The following VKORC1L1 variants were observed in gnomAD, a reference collection of about 807,000 sequenced individuals.
The protein encoded by VKORC1L1 is vitamin K epoxide reductase complex subunit 1L1.
VKORC1L1 carries 2 observed loss-of-function variants against 18.9 expected under a neutral mutation model. The ratio of observed to expected loss-of-function variants is 0.11; its 90% CI spans 0.04 to 0.33. The LOEUF (loss-of-function observed/expected upper bound fraction) is 0.33, where lower values mean the gene tolerates loss of function less well. Among genes scored for constraint, VKORC1L1 ranks in the 10% least tolerant of loss-of-function variants. The pLI is 1.00. For synonymous variants in VKORC1L1, 96 were observed against 100.0 expected, an observed-to-expected ratio of 0.96 and a Z score of 0.24; for missense variants, 123 against 224.1, an observed-to-expected ratio of 0.55 and a Z score of 2.88.
At chr7:65,917,959 G>A (rs991804083) in intron 1 of VKORC1L1, among the ~76,000 whole-genome samples, 10 of 152,162 alleles carry the variant, frequency 6.6e-5, no homozygotes, top group African/African-American at 2.4e-4. Flanking sequence ...TCACAACTGG[G>A]CAGGGTCGCG....
At chr7:65,892,694 A>T (rs1789128247) in intron 1 of VKORC1L1, among the ~76,000 whole-genome samples, 1 of 152,130 alleles carries the variant, frequency 6.6e-6, no homozygotes, top group South Asian at 2.1e-4. Flanking sequence ...ATTCTAGATG[A>T]CATGAAGATG....
rs528448822 is a variant in VKORC1L1, at chr7:65,904,412, C to A, written c.194+30847C>A. Among the ~76,000 whole-genome samples the A allele has an allele frequency of 1.6e-4, 24 of 152,190 alleles. No homozygotes were observed. The South Asian group carries it at 3.7e-3, about 24-fold the overall frequency. ...TAGAGATGGGGTTTCACCATGTTGG[C>A]CAGGCTGGTCTCAAACTCCTGACCT... On this transcript the variant is annotated intron_variant, in intron 1 of 2. Coordinates refer to ENST00000360768, the MANE Select transcript of VKORC1L1 (RefSeq NM_173517.6).
At chr7:65,902,367 A>T (rs2116395272) in intron 1 of VKORC1L1, among the ~76,000 whole-genome samples, 2 of 152,348 alleles carry the variant, frequency 1.3e-5, no homozygotes, top group East Asian at 3.9e-4. Flanking sequence ...AATAAAATTT[A>T]AAATACAGTG....
intron 1 of VKORC1L1, among the ~76,000 whole-genome samples, chr7:65,939,551 A>C (rs1790000889): frequency 1.3e-5 from 2 of 152,218 alleles, no homozygotes; most frequent in Admixed American, 6.5e-5. Context: ...AAAACTTTGG[A>C]GGCAGAAGCT....
intron 1 of VKORC1L1, among the ~76,000 whole-genome samples, chr7:65,903,062 C>G (rs773716549): frequency 1.1e-4 from 16 of 151,658 alleles, no homozygotes; most frequent in Non-Finnish European, 1.9e-4. Context: ...GACGGGGTTT[C>G]TCCATGTTGG....
chr7:65,944,821 G>A (rs892322218), intron 1 of VKORC1L1, among the ~76,000 whole-genome samples: 1 of 151,582 alleles, frequency 6.6e-6, no homozygotes, highest in Non-Finnish European at 1.5e-5. Context: ...GGAGGCTGAG[G>A]AGGGAAAATT....
At chr7:65,944,380 A>G (rs2115718864) in intron 1 of VKORC1L1, among the ~76,000 whole-genome samples, 1 of 152,278 alleles carries the variant, frequency 6.6e-6, no homozygotes, top group East Asian at 1.9e-4. Flanking sequence ...AAAAATAAAA[A>G]TAAAAGAACT....
chr7:65,930,172 A>G (rs1395210924), intron 1 of VKORC1L1, among the ~76,000 whole-genome samples: 1 of 152,170 alleles, frequency 6.6e-6, no homozygotes, highest in Non-Finnish European at 1.5e-5. Context: ...GCTCTTTTGC[A>G]TTTTCCTTAT....
chr7:65,875,792 C>T (rs1788817975), intron 1 of VKORC1L1, among the ~76,000 whole-genome samples: 1 of 152,144 alleles, frequency 6.6e-6, no homozygotes, highest in African/African-American at 2.4e-5. Flanking sequence ...TGCCATGTAG[C>T]AGTAGTACTC....
rs201626661 is a variant in VKORC1L1, at chr7:65,935,974, C to CT, written c.195-12687dup. Among the ~76,000 whole-genome samples the CT allele has an allele frequency of 1.5e-3, 225 of 148,130 alleles. 1 individual carries two copies. The highest frequency in any genetic ancestry group is 7.3e-3 in the East Asian group (37 of 5,082). ...TAAGATTGTTCTTTAAGTCTCTATT[C>CT]TTTTTTTTTTAACATGTTTTTCCTC... On this transcript the variant is annotated intron_variant, in intron 1 of 2. Transcript: ENST00000360768.
chr7:65,917,448 C>T (rs1244098569), intron 1 of VKORC1L1, among the ~76,000 whole-genome samples: 1 of 152,210 alleles, frequency 6.6e-6, no homozygotes, highest in Non-Finnish European at 1.5e-5. Context: ...ATACACTATA[C>T]TCCAGGCATT....
At chr7:65,871,806 C>T (rs1788729512), upstream of VKORC1L1, among the ~76,000 whole-genome samples, 1 of 151,886 alleles carries the variant, frequency 6.6e-6, no homozygotes, top group South Asian at 2.1e-4. Flanking sequence ...TGATTGTATC[C>T]TCATGAGAGC....
At chr7:65,871,164 A>G (rs189061697), upstream of VKORC1L1, among the ~76,000 whole-genome samples, 92 of 151,336 alleles carry the variant, frequency 6.1e-4, no homozygotes, top group African/African-American at 2.2e-3. Context: ...GGCTGGACCT[A>G]GGGACTATTT....
At chr7:65,870,290 C>T (rs1429285940), upstream of VKORC1L1, among the ~76,000 whole-genome samples, 1 of 147,772 alleles carries the variant, frequency 6.8e-6, no homozygotes, top group Non-Finnish European at 1.5e-5. Context: ...AAAAGCCAGG[C>T]GTGGTGGTGC....
At chr7:65,896,741 C>T (rs190709608) in intron 1 of VKORC1L1, among the ~76,000 whole-genome samples, 141 of 152,262 alleles carry the variant, frequency 9.3e-4, no homozygotes, top group South Asian at 6.4e-3. Flanking sequence ...TGGCTCATGC[C>T]TATAATCCCA....
intron 1 of VKORC1L1, among the ~76,000 whole-genome samples, chr7:65,935,370 C>T (rs1374033684): frequency 6.6e-6 from 1 of 151,882 alleles, no homozygotes; most frequent in South Asian, 2.1e-4. Context: ...AGTGCAGTGG[C>T]GTGATCTTGG....
chr7:65,936,728 G>A (rs1222077736), intron 1 of VKORC1L1, among the ~76,000 whole-genome samples: 2 of 152,128 alleles, frequency 1.3e-5, no homozygotes, highest in Non-Finnish European at 2.9e-5. Flanking sequence ...TCCTTTCCTT[G>A]CTGGGATTTT....
intron 1 of VKORC1L1, among the ~76,000 whole-genome samples, chr7:65,881,604 ACTT>A (rs1253545099): frequency 6.6e-6 from 1 of 152,156 alleles, no homozygotes; most frequent in Non-Finnish European, 1.5e-5. Flanking sequence ...TGTGATAAAA[ACTT>A]CATACAACCA....
chr7:65,876,872 C>T (rs1462339009), intron 1 of VKORC1L1, among the ~76,000 whole-genome samples: 1 of 152,178 alleles, frequency 6.6e-6, no homozygotes, highest in Non-Finnish European at 1.5e-5. Context: ...AGGGCAAAAC[C>T]GTGTCTTTAC....
Sources: allele counts gnomAD v4.1 joint callset (sites outside exome capture counted in the v4.1 genomes callset), GRCh38; gene constraint gnomAD v4.1.1; transcripts MANE v1.5; gene names NCBI Gene and HGNC (gene_info 2026-07-23, HGNC 2026-07-21).